The following ZDHHC17 variants were observed in gnomAD, a reference collection of about 807,000 sequenced individuals.
The protein encoded by ZDHHC17 is zDHHC palmitoyltransferase 17.
In ZDHHC17, 40 loss-of-function variants were observed where a neutral mutation model predicts 90.3. That is an observed-to-expected ratio of 0.44 (90% CI 0.34 to 0.58). The LOEUF (loss-of-function observed/expected upper bound fraction) is 0.58, where lower values mean the gene tolerates loss of function less well. ZDHHC17 is among the 20% of genes least tolerant of loss of function. ZDHHC17 has a pLI of 0.01. For synonymous variants in ZDHHC17, 235 were observed against 252.4 expected, an observed-to-expected ratio of 0.93 and a Z score of 0.65; for missense variants, 614 against 780.8, an observed-to-expected ratio of 0.79 and a Z score of 2.55.
At chr12:76,842,638 A>AAT (rs1565807140) in intron 11 of ZDHHC17, among the ~76,000 whole-genome samples, 1 of 152,182 alleles carries the variant, frequency 6.6e-6, no homozygotes, top group Non-Finnish European at 1.5e-5. Context: ...TTAGTCTCTA[A>AAT]AAACAGGACA....
intron 12 of ZDHHC17, chr12:76,844,382 A>T (rs1290029319): frequency 1.3e-5 from 2 of 152,156 alleles, no homozygotes; most frequent in African/African-American, 4.8e-5. Flanking sequence ...CAAGTCCCTA[A>T]GGCTTGTAGA....
At chr12:76,832,644 T>C (rs780236831) in intron 10 of ZDHHC17, among the ~76,000 whole-genome samples, 20 of 152,236 alleles carry the variant, frequency 1.3e-4, no homozygotes, top group Admixed American at 1.3e-4. Flanking sequence ...CTATAGCTCA[T>C]TCCTGAATGA....
At chr12:76,816,867 AAATT>A (rs1428917827) in intron 7 of ZDHHC17, among the ~76,000 whole-genome samples, 2 of 152,052 alleles carry the variant, frequency 1.3e-5, no homozygotes, top group East Asian at 3.8e-4. Context: ...AGTTAAAAGT[AAATT>A]AATATTGGAA....
At chr12:76,806,676 G>A (rs1014748130) in intron 3 of ZDHHC17, among the ~76,000 whole-genome samples, 19 of 151,904 alleles carry the variant, frequency 1.3e-4, no homozygotes, top group Non-Finnish European at 2.1e-4. Flanking sequence ...TGCCTGGCCC[G>A]AATTTTTTGT....
chr12:76,813,480 A>G, intron 5 of ZDHHC17: 2 of 333,674 alleles, frequency 6.0e-6, no homozygotes, highest in South Asian at 4.5e-5. Context: ...CATCCAAGGA[A>G]ATGCTTTACT....
At chr12:76,802,765 A>G (rs1481485917) in intron 2 of ZDHHC17, among the ~76,000 whole-genome samples, 1 of 152,106 alleles carries the variant, frequency 6.6e-6, no homozygotes, top group African/African-American at 2.4e-5. Flanking sequence ...TGTACGTTTT[A>G]GTTCTAGAAT....
intron 7 of ZDHHC17, 40 bp downstream of exon 7, chr12:76,816,059 G>T (rs1953083955): frequency 2.9e-6 from 4 of 1,377,216 alleles, no homozygotes; most frequent in East Asian, 5.6e-5. Context: ...ATGAAATGTG[G>T]CTAATATGTG....
chr12:76,782,151 A>G (rs1952634378), intron 1 of ZDHHC17, among the ~76,000 whole-genome samples: 1 of 152,236 alleles, frequency 6.6e-6, no homozygotes, highest in Non-Finnish European at 1.5e-5. Flanking sequence ...TATCAGCTCA[A>G]AATGGAGTGC....
chr12:76,777,031 T>TA (rs1194015280), intron 1 of ZDHHC17, among the ~76,000 whole-genome samples: 2 of 152,180 alleles, frequency 1.3e-5, no homozygotes, highest in Non-Finnish European at 2.9e-5. Context: ...CTCCCAGTGG[T>TA]AACACCTTGC....
chr12:76,848,363 T>C lies in ZDHHC17; in HGVS notation c.1638T>C (p.Ala546=), dbSNP rs754976479. The change falls in exon 15 of 17, where the codon GCT becomes GCC. Residue 546 remains alanine, a synonymous_variant. Coordinates refer to ENST00000426126, the MANE Select transcript of ZDHHC17 (RefSeq NM_015336.4). ...GTGTTTTCCACTTCATGTGGGTGGC[T>C]GTATTACTCATGTGTCAGATGTACC... The part of the protein sequence containing the change: ...LNSVFHFMWV[A]VLLMCQMYQI... The C allele has an allele frequency of 1.2e-6, 2 of 1,613,908 alleles. No individual in the cohort carries two copies. Among genetic ancestry groups the C allele is most frequent in the Non-Finnish European group, 1.7e-6 (2 of 1,179,834 alleles).
rs544988132 is a variant in ZDHHC17 at position 76,834,621 on chromosome 12, A to G, written c.1141+6131A>G. Reference sequence around the variant, plus strand: ...AGTTATCCAATCACCACTTTTCATGAATTTTAATAATATTGCTGTATATCT... The same window carrying G: ...AGTTATCCAATCACCACTTTTCATGGATTTTAATAATATTGCTGTATATCT... On this transcript the variant is annotated intron_variant, in intron 10 of 16. Transcript: ENST00000426126. Among the ~76,000 whole-genome samples, 7 of 152,302 alleles carry G rather than the reference A, an allele frequency of 4.6e-5. No individual in the cohort carries two copies. In the East Asian group the frequency reaches 1.3e-3, roughly 29 times the overall value.
At chr12:76,792,874 CA>C (rs1197125264) in intron 1 of ZDHHC17, among the ~76,000 whole-genome samples, 1 of 152,084 alleles carries the variant, frequency 6.6e-6, no homozygotes, top group Non-Finnish European at 1.5e-5. Flanking sequence ...CCTACATAAG[CA>C]AACCCAAACC....
At chr12:76,842,208 A>C in intron 11 of ZDHHC17, 102 bp downstream of exon 11, 1 of 1,224,260 alleles carries the variant, frequency 8.2e-7, no homozygotes, top group African/African-American at 1.6e-5. Context: ...TTAGAATGTA[A>C]AGAAGTTTTA....
intron 7 of ZDHHC17, among the ~76,000 whole-genome samples, chr12:76,817,395 A>G: frequency 6.6e-6 from 1 of 152,056 alleles, no homozygotes; most frequent in East Asian, 1.9e-4. Context: ...ATCATGCACG[A>G]GGAATACATT....
At chr12:76,843,753 A>G (rs1214123924) in intron 12 of ZDHHC17, among the ~76,000 whole-genome samples, 1 of 152,156 alleles carries the variant, frequency 6.6e-6, no homozygotes. Context: ...ACATAAAACT[A>G]AATGCTCTTT....
At chr12:76,815,787 T>A in intron 6 of ZDHHC17, 70 bp from the exon 7 acceptor site, 2 of 1,409,280 alleles carry the variant, frequency 1.4e-6, no homozygotes, top group Non-Finnish European at 1.9e-6. Flanking sequence ...CAGTTTAGTA[T>A]TTGTAATGAT....
At chr12:76,807,997 T>C (rs901843599) in intron 3 of ZDHHC17, among the ~76,000 whole-genome samples, 1 of 152,218 alleles carries the variant, frequency 6.6e-6, no homozygotes, top group African/African-American at 2.4e-5. Context: ...GGAAATACTT[T>C]GTTAGGTTAC....
chr12:76,787,623 T>C (rs1010896389), intron 1 of ZDHHC17, among the ~76,000 whole-genome samples: 1 of 145,972 alleles, frequency 6.9e-6, no homozygotes, highest in Non-Finnish European at 1.5e-5. Context: ...TCTCCCTCTC[T>C]CTCTCTCTCT....
At chr12:76,816,081 A>G (rs1953084176) in intron 7 of ZDHHC17, 62 bp downstream of exon 7, 1 of 1,306,466 alleles carries the variant, frequency 7.7e-7, no homozygotes. Flanking sequence ...ATTCTGTAAT[A>G]AAACAAGTTT....
Sources: allele counts gnomAD v4.1 joint callset (sites outside exome capture counted in the v4.1 genomes callset), GRCh38; gene constraint gnomAD v4.1.1; transcripts MANE v1.5; gene names NCBI Gene and HGNC (gene_info 2026-07-23, HGNC 2026-07-21).